The following CNTN5 variants were observed in gnomAD, a reference collection of about 807,000 sequenced individuals.
CNTN5 encodes contactin 5, also known as contactin-5.
In CNTN5, 77 loss-of-function variants were observed where a neutral mutation model predicts 129.1. That is an observed-to-expected ratio of 0.60 (90% confidence interval 0.50 to 0.72). The LOEUF (loss-of-function observed/expected upper bound fraction) is 0.72. CNTN5 is among the 30% of genes least tolerant of loss of function. CNTN5 has a pLI of 0.00. For missense variants in CNTN5, 1,478 were observed against 1,328.8 expected (o/e 1.11, Z -1.75); for synonymous variants, 509 against 465.6 (o/e 1.09, Z -1.20).
intron 8 of CNTN5, among the ~76,000 whole-genome samples, chr11:99,968,659 T>C (rs954032836): frequency 0.24 from 8,175 of 33,506 alleles, 618 homozygotes; most frequent in African/African-American, 0.32. Context: ...TTGGGTACTT[T>C]TTTTTTTTTT....
rs1158216681 is a variant in CNTN5, at chr11:100,157,787, G to A, written c.1581-33339G>A. Among the ~76,000 whole-genome samples the A allele has an allele frequency of 5.9e-5, 9 of 151,744 alleles. No individual in the cohort carries two copies. The East Asian group carries it at 1.2e-3, about 20-fold the overall frequency. On this transcript the variant is annotated intron_variant, in intron 13 of 24. Transcript: ENST00000524871. ...TATAGAATGGATAGAAACACCAAAC[G>A]AAGATCTGCATAGTTACAGATGCTT...
intron 3 of CNTN5, among the ~76,000 whole-genome samples, chr11:99,694,174 C>A (rs1245496419): frequency 6.6e-6 from 1 of 151,798 alleles, no homozygotes; most frequent in African/African-American, 2.4e-5. Flanking sequence ...GGCTCTGAAG[C>A]CAATACGGCT....
chr11:99,089,123 G>A (rs1866128921), intron 1 of CNTN5, among the ~76,000 whole-genome samples: 1 of 151,934 alleles, frequency 6.6e-6, no homozygotes. Context: ...ATTCATGAGA[G>A]AACATTGAAG....
At position 99,699,569 on chromosome 11, in the gene CNTN5, A is replaced by G. The variant is rs188982354; in HGVS notation, c.56-119975A>G. On this transcript the variant is annotated intron_variant, in intron 3 of 24. Transcript: ENST00000524871. ...TTTTTATCTATAAAACTGAATCACT[A>G]CAAAGGCTAGGGATAAGCCAGTGAT... 5.3e-4 allele frequency among the ~76,000 whole-genome samples: 81 copies of G among 151,648 alleles called. 1 individual carries two copies. The highest frequency in any genetic ancestry group is 1.6e-3 in the Admixed American group (25 of 15,174).
intron 3 of CNTN5, among the ~76,000 whole-genome samples, chr11:99,723,203 C>T (rs147491426): frequency 6.6e-6 from 1 of 151,260 alleles, no homozygotes; most frequent in South Asian, 2.1e-4. Context: ...CTCCCTTCCT[C>T]CCTTTATTAT....
intron 9 of CNTN5, among the ~76,000 whole-genome samples, chr11:100,007,444 T>A (rs1399177326): frequency 2.0e-5 from 3 of 152,112 alleles, no homozygotes; most frequent in Non-Finnish European, 4.4e-5. Flanking sequence ...CCATCAATTA[T>A]CTTAGATAGA....
chr11:99,857,043 TCTCC>T (rs974404248), intron 6 of CNTN5, among the ~76,000 whole-genome samples: 6 of 150,096 alleles, frequency 4.0e-5, no homozygotes, highest in South Asian at 2.1e-4. Flanking sequence ...TCCCTCTCTC[TCTCC>T]CTCCCTCCCT....
At chr11:99,986,092 C>G (rs1220983752) in intron 8 of CNTN5, among the ~76,000 whole-genome samples, 1 of 151,956 alleles carries the variant, frequency 6.6e-6, no homozygotes, top group African/African-American at 2.4e-5. Context: ...CCCTTCAGAC[C>G]TCTCATTCCT....
chr11:99,631,129 C>T (rs1033803000), intron 3 of CNTN5, among the ~76,000 whole-genome samples: 1 of 152,090 alleles, frequency 6.6e-6, no homozygotes, highest in African/African-American at 2.4e-5. Context: ...ACACTGAGTG[C>T]TTTTCAGTTT....
intron 3 of CNTN5, among the ~76,000 whole-genome samples, chr11:99,688,749 C>G (rs903185415): frequency 6.6e-6 from 1 of 152,112 alleles, no homozygotes; most frequent in Non-Finnish European, 1.5e-5. Context: ...TCTTGATGCT[C>G]TCCCTTCTCC....
intron 6 of CNTN5, among the ~76,000 whole-genome samples, chr11:99,871,912 T>C (rs1393100787): frequency 6.6e-6 from 1 of 151,308 alleles, no homozygotes; most frequent in East Asian, 1.9e-4. Context: ...ATATGCATTC[T>C]TTATATATTT....
At chr11:99,112,244 T>A (rs11218422) in intron 1 of CNTN5, among the ~76,000 whole-genome samples, 2 of 151,724 alleles carry the variant, frequency 1.3e-5, no homozygotes, top group African/African-American at 4.8e-5. Flanking sequence ...GATAAAAATG[T>A]AATAAACGTC....
chr11:100,142,433 A>G (rs1301779060), intron 13 of CNTN5, among the ~76,000 whole-genome samples: 1 of 152,122 alleles, frequency 6.6e-6, no homozygotes, highest in Non-Finnish European at 1.5e-5. Context: ...GAGCATCCCT[A>G]ATCTGAAAAT....
intron 6 of CNTN5, among the ~76,000 whole-genome samples, chr11:99,853,568 T>G (rs1947943554): frequency 2.6e-5 from 4 of 151,954 alleles, no homozygotes; most frequent in Admixed American, 2.0e-4. Flanking sequence ...CCTGGCTAAT[T>G]TTTTGTATTT....
intron 6 of CNTN5, among the ~76,000 whole-genome samples, chr11:99,874,157 C>T (rs958980289): frequency 6.6e-6 from 1 of 152,136 alleles, no homozygotes; most frequent in Non-Finnish European, 1.5e-5. Flanking sequence ...TACCATTTCA[C>T]AATACATCCA....
intron 2 of CNTN5, among the ~76,000 whole-genome samples, chr11:99,476,422 T>C (rs569281131): frequency 6.6e-6 from 1 of 152,138 alleles, no homozygotes; most frequent in Admixed American, 6.5e-5. Flanking sequence ...TAATAAAATA[T>C]AATTCACCAT....
intron 1 of CNTN5, among the ~76,000 whole-genome samples, chr11:99,140,446 T>C (rs1035621891): frequency 2.0e-5 from 3 of 146,780 alleles, no homozygotes; most frequent in African/African-American, 5.0e-5. Context: ...CCTCCTTTCT[T>C]CCTATTTGGA....
intron 9 of CNTN5, among the ~76,000 whole-genome samples, chr11:100,048,395 C>T (rs539567052): frequency 7.2e-5 from 11 of 152,138 alleles, no homozygotes; most frequent in South Asian, 6.2e-4. Context: ...TGGGACTTCT[C>T]AACCTCTATA....
Position 100,080,184 on chromosome 11 carries a change from C to G in CNTN5, c.1580+5890C>G, listed in dbSNP as rs144971692. ...TATTTTAAGCACTAGTTTTTATGCC[C>G]AGGCAGAGTAAGGTAACAGTTATGA... On this transcript the variant is annotated intron_variant, in intron 13 of 24. Transcript: ENST00000524871. Among the ~76,000 whole-genome samples, 71 of 152,050 alleles carry G rather than the reference C, an allele frequency of 4.7e-4. 1 individual carries two copies. The East Asian group carries it at 0.013, about 29-fold the overall frequency.
Sources: allele counts gnomAD v4.1 joint callset (sites outside exome capture counted in the v4.1 genomes callset), GRCh38; gene constraint gnomAD v4.1.1; transcripts MANE v1.5; gene names NCBI Gene and HGNC (gene_info 2026-07-23, HGNC 2026-07-21).